THSD7B: variants seen among roughly 807,000 people sequenced by gnomAD.
The protein encoded by THSD7B is thrombospondin type-1 domain-containing protein 7B.
THSD7B carries 138 observed loss-of-function variants against 213.6 expected under a neutral mutation model. That is an observed-to-expected ratio of 0.65 (90% confidence interval 0.56 to 0.74). THSD7B has a LOEUF of 0.74. THSD7B is among the 30% of genes least tolerant of loss of function. The pLI is 0.00. For missense variants in THSD7B, 1,931 were observed against 1,991.5 expected (o/e 0.97, Z 0.58); for synonymous variants, 742 against 687.0 (o/e 1.08, Z -1.25).
At chr2:137,634,209 A>G (rs1682791636) in intron 20 of THSD7B, among the ~76,000 whole-genome samples, 1 of 151,864 alleles carries the variant, frequency 6.6e-6, no homozygotes, top group Non-Finnish European at 1.5e-5. Context: ...TAGTTGGCCA[A>G]CCCCTTCTAG....
intron 7 of THSD7B, among the ~76,000 whole-genome samples, chr2:137,197,196 T>C (rs1326879179): frequency 6.6e-6 from 1 of 152,168 alleles, no homozygotes; most frequent in Non-Finnish European, 1.5e-5. Flanking sequence ...TTAAGATAAC[T>C]GACAAAATCT....
intron 16 of THSD7B, among the ~76,000 whole-genome samples, chr2:137,564,447 C>T (rs1681190311): frequency 6.6e-6 from 1 of 152,190 alleles, no homozygotes. Flanking sequence ...TATCTTTCTT[C>T]CCTTTGTACA....
At chr2:137,121,508 G>A (rs773180564) in intron 5 of THSD7B, among the ~76,000 whole-genome samples, 20 of 152,170 alleles carry the variant, frequency 1.3e-4, no homozygotes, top group East Asian at 5.8e-4. Flanking sequence ...ATGTGGCATC[G>A]TGGAGAAGGG....
chr2:137,043,492 A>G (rs1159484954), intron 2 of THSD7B, among the ~76,000 whole-genome samples: 1 of 152,162 alleles, frequency 6.6e-6, no homozygotes, highest in African/African-American at 2.4e-5. Context: ...AGCAAGGTAA[A>G]GGGTCTCTCA....
chr2:137,471,250 A>G (rs1379563852), intron 15 of THSD7B, among the ~76,000 whole-genome samples: 2 of 152,124 alleles, frequency 1.3e-5, no homozygotes, highest in African/African-American at 4.8e-5. Context: ...ACAAACATCA[A>G]AAGCCAGGCT....
At chr2:136,975,038 T>C (rs1359187265) in intron 2 of THSD7B, among the ~76,000 whole-genome samples, 1 of 131,530 alleles carries the variant, frequency 7.6e-6, no homozygotes, top group Non-Finnish European at 1.6e-5. Context: ...CACTTTTTAA[T>C]GGTTTGTTTT....
At position 137,659,102 on chromosome 2, in the gene THSD7B, C is replaced by T. The variant is rs572375392; in HGVS notation, c.4376-562C>T. Among the ~76,000 whole-genome samples, 19 of 152,260 alleles carry T rather than the reference C, an allele frequency of 1.2e-4. 1 individual carries two copies. In the South Asian group the frequency reaches 2.7e-3, roughly 22 times the overall value. On this transcript the variant is annotated intron_variant, in intron 24 of 27. Transcript: ENST00000409968. The stretch of plus-strand genomic sequence containing the variant: ...TGTTTGATTGTCTCTCCTAGAGCTT[C>T]GGTGCTTGCTCTTAAGAATGTGTTT...
At position 137,632,463 on chromosome 2, in the gene THSD7B, G is replaced by T. The variant is rs73961017; in HGVS notation, c.3800-10025G>T. Among the ~76,000 whole-genome samples, 1,313 of 152,248 alleles carry T rather than the reference G, an allele frequency of 8.6e-3. 18 individuals carry two copies. Among genetic ancestry groups the T allele is most frequent in the African/African-American group, 0.031 (1,267 of 41,538 alleles). On this transcript the variant is annotated intron_variant, in intron 20 of 27. Transcript: ENST00000409968. ...GGTGTGAAGATTAGCTCCAAGATTT[G>T]CAAATTCACTCTCTCTCACCTTCTT...
intron 2 of THSD7B, among the ~76,000 whole-genome samples, chr2:137,043,691 C>T (rs567009806): frequency 1.6e-4 from 24 of 152,196 alleles, no homozygotes; most frequent in Admixed American, 1.2e-3. Context: ...ACCCCAGAGG[C>T]TTGTTGGACT....
intron 14 of THSD7B, among the ~76,000 whole-genome samples, chr2:137,448,625 A>G (rs112429485): frequency 0.2 from 31,031 of 151,950 alleles, 3,459 homozygotes; most frequent in South Asian, 0.28. Flanking sequence ...GTGAAACCCC[A>G]TCTCTACTAA....
intron 1 of THSD7B, among the ~76,000 whole-genome samples, chr2:136,778,348 G>T (rs1247691652): frequency 6.6e-6 from 1 of 152,154 alleles, no homozygotes; most frequent in Non-Finnish European, 1.5e-5. Flanking sequence ...GTCCCTAAAA[G>T]AAATCCTGTA....
intron 2 of THSD7B, among the ~76,000 whole-genome samples, chr2:136,982,567 A>T (rs1218925455): frequency 6.6e-6 from 1 of 152,188 alleles, no homozygotes; most frequent in African/African-American, 2.4e-5. Context: ...CCATTTACCC[A>T]TAAGACAAAA....
chr2:137,315,468 C>T (rs1196025037), intron 12 of THSD7B, among the ~76,000 whole-genome samples: 1 of 152,164 alleles, frequency 6.6e-6, no homozygotes, highest in African/African-American at 2.4e-5. Context: ...CACCCGTCTT[C>T]TGCGTCGCTC....
At chr2:137,671,924 T>A (rs1683586713) in intron 27 of THSD7B, among the ~76,000 whole-genome samples, 1 of 152,120 alleles carries the variant, frequency 6.6e-6, no homozygotes. Context: ...TTTTAAACAG[T>A]CTGGAATAAC....
chr2:137,644,342 A>G (rs897191841), intron 21 of THSD7B, among the ~76,000 whole-genome samples: 1 of 152,248 alleles, frequency 6.6e-6, no homozygotes, highest in South Asian at 2.1e-4. Context: ...AACAGTGCCA[A>G]TCAGCATTCT....
At chr2:136,902,835 A>C (rs1684085560) in intron 2 of THSD7B, among the ~76,000 whole-genome samples, 1 of 152,240 alleles carries the variant, frequency 6.6e-6, no homozygotes, top group Non-Finnish European at 1.5e-5. Flanking sequence ...GCCCAACGTC[A>C]GCGGCTCTGG....
intron 1 of THSD7B, among the ~76,000 whole-genome samples, chr2:136,773,677 G>A (rs1036170846): frequency 7.9e-5 from 12 of 151,986 alleles, no homozygotes; most frequent in Non-Finnish European, 1.6e-4. Flanking sequence ...ACATGTGGCT[G>A]GTGGCCACCA....
At chr2:137,434,263 G>A (rs1687245610) in intron 14 of THSD7B, among the ~76,000 whole-genome samples, 1 of 152,100 alleles carries the variant, frequency 6.6e-6, no homozygotes, top group Non-Finnish European at 1.5e-5. Context: ...TTCTGCATAT[G>A]CCATCTCCTT....
At chr2:137,231,979 G>A (rs1681648611) in intron 8 of THSD7B, among the ~76,000 whole-genome samples, 1 of 152,108 alleles carries the variant, frequency 6.6e-6, no homozygotes, top group Non-Finnish European at 1.5e-5. Flanking sequence ...CTTTGATCCT[G>A]CGAAATGGGG....
Sources: allele counts gnomAD v4.1 joint callset (sites outside exome capture counted in the v4.1 genomes callset), GRCh38; gene constraint gnomAD v4.1.1; transcripts MANE v1.5; gene names NCBI Gene and HGNC (gene_info 2026-07-23, HGNC 2026-07-21).